ABCB4: variants seen among roughly 807,000 people sequenced by gnomAD.
ABCB4 encodes phosphatidylcholine translocator ABCB4.
Under a neutral mutation model 145.7 loss-of-function variants are expected in ABCB4, and 76 were observed. That is an observed-to-expected ratio of 0.52 (90% CI 0.43 to 0.63). The LOEUF is 0.63. Ranked by LOEUF, ABCB4 falls within the 30% of genes least tolerant of loss-of-function variation. The pLI is 0.00. For missense variants in ABCB4, 1,234 were observed against 1,553.1 expected (o/e 0.79, Z 3.45); for synonymous variants, 517 against 566.8 (o/e 0.91, Z 1.25).
chr7:87,468,095 A>G (rs1187789556), intron 3 of ABCB4, among the ~76,000 whole-genome samples: 2 of 152,236 alleles, frequency 1.3e-5, no homozygotes, highest in African/African-American at 4.8e-5. Context: ...CAAAAAGTCA[A>G]TGAATCCAGG....
chr7:87,403,244 A>T lies in ABCB4; in HGVS notation c.3524T>A (p.Leu1175His). Residue 1175 changes from leucine to histidine, a missense_variant, in exon 27 of 28, where the codon CTC (leucine) becomes CAC (histidine). Physicochemically the swap from Leu to His is moderately conservative, Grantham distance 99. This residue lies in a region of ABCB4 where 301 missense variants were observed against 389.0 expected (regional missense o/e 0.77). Coordinates refer to ENST00000649586, the MANE Select transcript of ABCB4 (RefSeq NM_000443.4). Reference sequence around the variant, plus strand: ...AATCCTCTGTTTTTGACCTCCTGAGAGCTGAGTCCCCTTATCTCCCACTCT... The same window carrying T: ...AATCCTCTGTTTTTGACCTCCTGAGTGCTGAGTCCCCTTATCTCCCACTCT... ...ETRVGDKGTQ[L>H]SGGQKQRIAI... 1 of 1,614,036 alleles carries T rather than the reference A, an allele frequency of 6.2e-7. No homozygotes were observed. Among genetic ancestry groups the T allele is most frequent in the Non-Finnish European group, 8.5e-7 (1 of 1,179,908 alleles).
chr7:87,382,868 AT>A, the ABCB4 span, among the ~76,000 whole-genome samples: 3 of 152,180 alleles, frequency 2.0e-5, no homozygotes, highest in Non-Finnish European at 4.4e-5. Flanking sequence ...AAAAGTTGTG[AT>A]TTTATAAATT....
At chr7:87,405,079 C>T (rs1215325404) in intron 26 of ABCB4, among the ~76,000 whole-genome samples, 1 of 152,166 alleles carries the variant, frequency 6.6e-6, no homozygotes, top group Non-Finnish European at 1.5e-5. Context: ...GTATTTACAG[C>T]AGCTTTATTT....
At chr7:87,470,142 G>A (rs938738558) in intron 3 of ABCB4, among the ~76,000 whole-genome samples, 1 of 152,212 alleles carries the variant, frequency 6.6e-6, no homozygotes, top group African/African-American at 2.4e-5. Flanking sequence ...TTAACAAATG[G>A]TGCTGGGAAA....
intron 7 of ABCB4, 77 bp from the exon 8 acceptor site, chr7:87,450,169 A>G: frequency 6.3e-7 from 1 of 1,581,900 alleles, no homozygotes; most frequent in Non-Finnish European, 8.6e-7. Flanking sequence ...CCTTTAACCT[A>G]CTTTTTCTTC....
the ABCB4 span, among the ~76,000 whole-genome samples, chr7:87,391,033 G>C: frequency 6.6e-6 from 1 of 152,148 alleles, no homozygotes; most frequent in East Asian, 1.9e-4. Context: ...CTCTCCTGAG[G>C]GTAGGTCCAC....
At chr7:87,431,666 T>C in intron 14 of ABCB4, 101 bp from the exon 15 acceptor site, 1 of 1,439,546 alleles carries the variant, frequency 6.9e-7, no homozygotes, top group South Asian at 1.2e-5. Context: ...TGTAGATGAT[T>C]AGAGAGTAGT....
chr7:87,402,374 A>G lies in ABCB4; in HGVS notation c.3634-72T>C, dbSNP rs45549641. ...TAGTTTTAACATTCAAGTAAATTTG[A>G]AAATGTTACCTTTCTAATCAACTTT... On this transcript the variant is annotated intron_variant, in intron 27 of 27. Coordinates refer to ENST00000649586, the MANE Select transcript of ABCB4 (RefSeq NM_000443.4). 0.089 allele frequency: 138,334 copies of G among 1,550,348 alleles called. 8,020 individuals are homozygous for G. The highest frequency in any genetic ancestry group is 0.27 in the African/African-American group (20,026 of 73,392).
intron 21 of ABCB4, 150 bp from the exon 22 acceptor site, chr7:87,413,867 T>TC (rs1365808681): frequency 3.6e-5 from 24 of 657,780 alleles, no homozygotes; most frequent in Non-Finnish European, 6.0e-5. Context: ...CATAATCTGT[T>TC]CAAGACTAGC....
chr7:87,445,291 T>C (rs1212143586), intron 9 of ABCB4, among the ~76,000 whole-genome samples: 1 of 152,194 alleles, frequency 6.6e-6, no homozygotes, highest in Non-Finnish European at 1.5e-5. Context: ...CCATCCTATA[T>C]GATTTTCTCT....
At position 87,416,677 on chromosome 7, in the gene ABCB4, A is replaced by T. The variant is rs149736784; in HGVS notation, c.2682+635T>A. Among the ~76,000 whole-genome samples, 19 of 152,272 alleles carry T rather than the reference A, an allele frequency of 1.2e-4. No homozygotes were observed. The East Asian group carries it at 3.7e-3, about 29-fold the overall frequency. ...AGACCTGAACTTAAATCCCAGCCAA[A>T]TCTCTAACTTCTGTTTGAATCTCAG... is the stretch of plus-strand genomic sequence containing the variant. On this transcript the variant is annotated intron_variant, in intron 21 of 27. Coordinates refer to ENST00000649586, the MANE Select transcript of ABCB4 (RefSeq NM_000443.4).
At chr7:87,374,988 A>C in the ABCB4 span, among the ~76,000 whole-genome samples, 1 of 152,064 alleles carries the variant, frequency 6.6e-6, no homozygotes, top group Non-Finnish European at 1.5e-5. Context: ...GGGAGAACCC[A>C]GTTATTTATC....
At chr7:87,428,888 G>A (rs1810017833) in intron 15 of ABCB4, among the ~76,000 whole-genome samples, 2 of 152,192 alleles carry the variant, frequency 1.3e-5, no homozygotes, top group Middle Eastern at 3.4e-3. Context: ...TGACTTTCAA[G>A]TTTCTAGAAT....
chr7:87,458,458 T>C (rs551851967), intron 4 of ABCB4, among the ~76,000 whole-genome samples: 37 of 152,296 alleles, frequency 2.4e-4, no homozygotes, highest in African/African-American at 8.4e-4. Context: ...TTGGCTCCTA[T>C]TAAGTCTGGT....
At chr7:87,418,850 A>C (rs1407707618) in intron 19 of ABCB4, among the ~76,000 whole-genome samples, 1 of 152,130 alleles carries the variant, frequency 6.6e-6, no homozygotes, top group Non-Finnish European at 1.5e-5. Context: ...GGCAGGGCTC[A>C]CCCAGATGGC....
At chr7:87,385,541 A>T in the ABCB4 span, among the ~76,000 whole-genome samples, 1 of 152,070 alleles carries the variant, frequency 6.6e-6, no homozygotes, top group African/African-American at 2.4e-5. Context: ...TGTTGATTTT[A>T]TATCTTGCAA....
intron 17 of ABCB4, among the ~76,000 whole-genome samples, chr7:87,423,104 T>C (rs138175701): frequency 2.1e-4 from 32 of 152,284 alleles, no homozygotes; most frequent in African/African-American, 7.2e-4. Context: ...ATGTCCAACA[T>C]CACAAAAATA....
Position 87,402,067 on chromosome 7 carries a change from T to G in ABCB4, c.*29A>C, listed in dbSNP as rs758795452. ...GATAAAATGGTAGAATAATTTGAAT[T>G]TATTTTTAAAATATACTGTAGCAAA... On this transcript the variant is annotated 3_prime_UTR_variant, in exon 28 of 28. Transcript: ENST00000649586. The G allele has an allele frequency of 1.9e-6, 3 of 1,612,524 alleles. No homozygotes were observed. The highest frequency in any genetic ancestry group is 2.7e-5 in the African/African-American group (2 of 74,990).
chr7:87,405,066 C>A lies in ABCB4; in HGVS notation c.3486+1222G>T, dbSNP rs558568293. On this transcript the variant is annotated intron_variant, in intron 26 of 27. Coordinates refer to ENST00000649586, the MANE Select transcript of ABCB4 (RefSeq NM_000443.4). ...TTGAATTCATACAGAAACCTGTATACAAGTATTTACAGCAGCTTTATTTGC... is the reference window on the plus strand; with the variant it reads ...TTGAATTCATACAGAAACCTGTATAAAAGTATTTACAGCAGCTTTATTTGC... Among the ~76,000 whole-genome samples, 11 of 152,236 alleles carry A rather than the reference C, an allele frequency of 7.2e-5. No individual in the cohort carries two copies. In the South Asian group the frequency reaches 2.3e-3, roughly 32 times the overall value.
Sources: gnomAD v4.1 joint callset for allele counts (sites outside exome capture counted in the v4.1 genomes callset) on GRCh38, gnomAD v4.1.1 for gene constraint, gnomAD v4.1.1 regional missense constraint, MANE v1.5 for transcripts, NCBI Gene and HGNC (gene_info 2026-07-23, HGNC 2026-07-21) for gene names.